FAM228B: variants seen among roughly 807,000 people sequenced by gnomAD.
The protein encoded by FAM228B is protein FAM228B.
In FAM228B, 38 loss-of-function variants were observed where a neutral mutation model predicts 42.6. That is an observed-to-expected ratio of 0.89 (90% CI 0.69 to 1.17). The LOEUF (loss-of-function observed/expected upper bound fraction) is 1.17. Ranked by LOEUF, FAM228B falls within the 50% of genes most tolerant of loss-of-function variation. The pLI is 0.00. For synonymous variants in FAM228B, 109 were observed against 122.3 expected (o/e 0.89, Z 0.72); for missense variants, 344 against 367.3 (o/e 0.94, Z 0.52).
chr2:24,079,453 C>T, intron 1 of FAM228B: 2 of 1,614,024 alleles, frequency 1.2e-6, no homozygotes, highest in South Asian at 1.1e-5. Flanking sequence ...CCTTATTGTC[C>T]CTAGACCTCA....
At chr2:24,141,115 G>T in intron 5 of FAM228B, among the ~76,000 whole-genome samples, 1 of 149,638 alleles carries the variant, frequency 6.7e-6, no homozygotes. Flanking sequence ...TCACTCTGTT[G>T]CCCAGGCTGG....
intron 3 of FAM228B, among the ~76,000 whole-genome samples, chr2:24,109,042 A>C (rs560219568): frequency 6.6e-5 from 10 of 152,258 alleles, no homozygotes; most frequent in African/African-American, 2.4e-4. Context: ...TACAGTAACC[A>C]AAACAGCATG....
At chr2:24,164,473 T>A (rs77751063) in intron 9 of FAM228B, 138 bp downstream of exon 9, 18,860 of 950,650 alleles carry the variant, frequency 0.02, 264 homozygotes, top group African/African-American at 0.049. Context: ...TAGAAGCAGC[T>A]GAGGGGCAGG....
intron 2 of FAM228B, among the ~76,000 whole-genome samples, chr2:24,094,828 C>A (rs1214909972): frequency 6.6e-6 from 1 of 152,182 alleles, no homozygotes; most frequent in Non-Finnish European, 1.5e-5. Flanking sequence ...TGCGGTGACT[C>A]ACACCTGTAA....
At chr2:24,100,237 G>A (rs12713196) in intron 3 of FAM228B, among the ~76,000 whole-genome samples, 18,073 of 152,152 alleles carry the variant, frequency 0.12, 1,236 homozygotes, top group South Asian at 0.18. Flanking sequence ...AACACCAAAA[G>A]CAATGGCAAC....
chr2:24,099,586 G>A (rs1395230277), intron 3 of FAM228B, among the ~76,000 whole-genome samples: 1 of 152,134 alleles, frequency 6.6e-6, no homozygotes, highest in Non-Finnish European at 1.5e-5. Flanking sequence ...TCTTCAAGGA[G>A]AACTACAAAC....
chr2:24,155,745 T>TACA (rs1667127125), intron 7 of FAM228B, among the ~76,000 whole-genome samples: 1 of 151,770 alleles, frequency 6.6e-6, no homozygotes, highest in African/African-American at 2.4e-5. Flanking sequence ...TTCACCGTGT[T>TACA]GGCCAGGCTG....
At chr2:24,125,473 A>G (rs1666286167) in intron 2 of FAM228B, among the ~76,000 whole-genome samples, 1 of 151,860 alleles carries the variant, frequency 6.6e-6, no homozygotes, top group African/African-American at 2.4e-5. Flanking sequence ...AGTACTCCCA[A>G]AGCTTCCTTA....
At chr2:24,135,981 T>TG (rs1391419220) in intron 3 of FAM228B, among the ~76,000 whole-genome samples, 5 of 151,382 alleles carry the variant, frequency 3.3e-5, no homozygotes, top group African/African-American at 1.2e-4. Context: ...GAAGGGTTTT[T>TG]TTTTTTTTTT....
At chr2:24,165,456 C>T (rs558157677) in intron 9 of FAM228B, 36 of 471,176 alleles carry the variant, frequency 7.6e-5, no homozygotes, top group Admixed American at 4.2e-4. Context: ...CAGTCCCCTA[C>T]GTGATCTCCA....
intron 3 of FAM228B, among the ~76,000 whole-genome samples, chr2:24,104,403 G>C (rs1382938955): frequency 6.6e-6 from 1 of 152,206 alleles, no homozygotes; most frequent in Non-Finnish European, 1.5e-5. Context: ...CCCAGCAAAG[G>C]CTGCAGTTGC....
At chr2:24,158,828 T>C (rs1350956679) in intron 7 of FAM228B, among the ~76,000 whole-genome samples, 4 of 152,174 alleles carry the variant, frequency 2.6e-5, no homozygotes, top group African/African-American at 9.6e-5. Flanking sequence ...CTGTATTAGT[T>C]TCCTGGGCTT....
At chr2:24,130,685 G>T (rs1209701008) in intron 2 of FAM228B, among the ~76,000 whole-genome samples, 2 of 151,730 alleles carry the variant, frequency 1.3e-5, no homozygotes, top group Admixed American at 1.3e-4. Flanking sequence ...TTTTTTGTAG[G>T]TTCTGGATAT....
intron 5 of FAM228B, among the ~76,000 whole-genome samples, chr2:24,139,854 ATGTG>A (rs1277260622): frequency 2.6e-5 from 4 of 152,148 alleles, no homozygotes; most frequent in African/African-American, 9.7e-5. Context: ...TTCTTTCTAT[ATGTG>A]TGTATGTATT....
At chr2:24,153,263 C>T (rs749485205) in intron 7 of FAM228B, among the ~76,000 whole-genome samples, 4 of 152,140 alleles carry the variant, frequency 2.6e-5, no homozygotes, top group Non-Finnish European at 4.4e-5. Flanking sequence ...AAACAGAAGG[C>T]GTCTTTCACC....
chr2:24,121,041 A>G (rs1666099043), upstream of FAM228B: 1 of 1,339,674 alleles, frequency 7.5e-7, no homozygotes, highest in Non-Finnish European at 1.0e-6. Context: ...TGCTATCTCA[A>G]GACAATGGCT....
chr2:24,168,117 T>TAG (rs1667471187), intron 10 of FAM228B: 2 of 190,344 alleles, frequency 1.1e-5, no homozygotes, highest in South Asian at 2.2e-4. Flanking sequence ...ATGCTCATCC[T>TAG]ATACCCAAGA....
At chr2:24,096,899 C>G (rs552629453) in intron 3 of FAM228B, 1 of 152,104 alleles carries the variant, frequency 6.6e-6, no homozygotes, top group Non-Finnish European at 1.5e-5. Context: ...GTTGAGTTAC[C>G]CACAAAGGGA....
upstream of FAM228B, chr2:24,122,525 A>T (rs755141571): frequency 6.2e-7 from 1 of 1,612,800 alleles, no homozygotes; most frequent in Non-Finnish European, 8.5e-7. Context: ...TAAGCTCTGC[A>T]AATGGCTCAT....
Sources: gnomAD v4.1 joint callset for allele counts (sites outside exome capture counted in the v4.1 genomes callset) on GRCh38, gnomAD v4.1.1 for gene constraint, MANE v1.5 for transcripts, NCBI Gene and HGNC (gene_info 2026-07-23, HGNC 2026-07-21) for gene names.